FAF1: variants seen among roughly 807,000 people sequenced by gnomAD.
FAF1 encodes Fas associated factor 1, also known as FAS-associated factor 1.
FAF1 carries 25 observed loss-of-function variants against 92.5 expected under a neutral mutation model. The observed-to-expected ratio is 0.27, with a 90% confidence interval of 0.20 to 0.38. The LOEUF (loss-of-function observed/expected upper bound fraction) is 0.38. FAF1 is among the 10% of genes least tolerant of loss of function. The pLI is 1.00. For synonymous variants in FAF1, 234 were observed against 273.2 expected (o/e 0.86, Z 1.42); for missense variants, 636 against 793.3 (o/e 0.80, Z 2.38).
At chr1:50,630,754 C>T (rs1251653204) in intron 8 of FAF1, among the ~76,000 whole-genome samples, 1 of 150,990 alleles carries the variant, frequency 6.6e-6, no homozygotes, top group Non-Finnish European at 1.5e-5. Flanking sequence ...TCTCTTTTTC[C>T]TCTTTTGTTT....
At chr1:50,655,774 T>A (rs1655078429) in intron 7 of FAF1, among the ~76,000 whole-genome samples, 1 of 152,216 alleles carries the variant, frequency 6.6e-6, no homozygotes, top group African/African-American at 2.4e-5. Flanking sequence ...TGTTTTCAAC[T>A]CCTGGCTGAC....
intron 2 of FAF1, among the ~76,000 whole-genome samples, chr1:50,856,285 T>C (rs761641437): frequency 5.9e-5 from 9 of 151,760 alleles, no homozygotes; most frequent in Non-Finnish European, 1.3e-4. Flanking sequence ...GCCTCTCTAA[T>C]AGACACTCCC....
chr1:50,715,581 T>C (rs754944984), intron 6 of FAF1, among the ~76,000 whole-genome samples: 2 of 152,254 alleles, frequency 1.3e-5, no homozygotes, highest in Non-Finnish European at 2.9e-5. Context: ...GAAATCTTTT[T>C]AGTAAAACTT....
intron 15 of FAF1, among the ~76,000 whole-genome samples, chr1:50,512,577 T>C (rs537189150): frequency 5.3e-5 from 8 of 152,358 alleles, no homozygotes; most frequent in East Asian, 1.9e-4. Flanking sequence ...GCCACTGTTC[T>C]GTTCCATTGG....
In FAF1 at chr1:50,704,344, A is replaced by G. The variant is rs1189184668; in HGVS notation, c.657+1442T>C. 3.3e-5 allele frequency among the ~76,000 whole-genome samples: 5 copies of G among 152,306 alleles called. No homozygotes were observed. In the East Asian group the frequency reaches 5.8e-4, roughly 18 times the overall value. On this transcript the variant is annotated intron_variant, in intron 7 of 18. Transcript: ENST00000396153. ...TTCAACCCCGAAGGAAAAAAAGGCA[A>G]ACTATATTTATTCATCATACATTAT...
At chr1:50,819,634 T>TCACACACACA (rs1291338974) in intron 2 of FAF1, among the ~76,000 whole-genome samples, 6 of 86,318 alleles carry the variant, frequency 7.0e-5, no homozygotes, top group Admixed American at 2.3e-4. Context: ...ACTGACTGAC[T>TCACACACACA]CACTCACACA....
At chr1:50,454,097 G>C (rs1435535919) in intron 18 of FAF1, among the ~76,000 whole-genome samples, 2 of 152,152 alleles carry the variant, frequency 1.3e-5, no homozygotes, top group Non-Finnish European at 2.9e-5. Flanking sequence ...TTTTAGAAGT[G>C]GCAAAATATT....
chr1:50,766,039 C>T (rs1660556960), intron 4 of FAF1, among the ~76,000 whole-genome samples: 2 of 152,204 alleles, frequency 1.3e-5, no homozygotes, highest in Admixed American at 6.5e-5. Context: ...GTGCAGTGAG[C>T]CGAGATCGCG....
At chr1:50,769,714 T>C (rs1660708896) in intron 4 of FAF1, among the ~76,000 whole-genome samples, 1 of 152,150 alleles carries the variant, frequency 6.6e-6, no homozygotes, top group South Asian at 2.1e-4. Context: ...TTTCAACAGA[T>C]ACAGAAAAGG....
At chr1:50,619,815 T>C (rs1320901876) in intron 8 of FAF1, among the ~76,000 whole-genome samples, 5 of 152,168 alleles carry the variant, frequency 3.3e-5, no homozygotes, top group Non-Finnish European at 7.4e-5. Flanking sequence ...GAAATTTTCA[T>C]GGACTATATC....
intron 1 of FAF1, among the ~76,000 whole-genome samples, chr1:50,888,476 A>AGTTTTT (rs1232595372): frequency 6.6e-6 from 1 of 152,152 alleles, no homozygotes; most frequent in Non-Finnish European, 1.5e-5. Context: ...GAATGCTTCC[A>AGTTTTT]GTTTTTGCCC....
chr1:50,600,186 C>T (rs1652030773), intron 8 of FAF1, among the ~76,000 whole-genome samples: 1 of 152,100 alleles, frequency 6.6e-6, no homozygotes, highest in Non-Finnish European at 1.5e-5. Flanking sequence ...AACTATCAGC[C>T]ATCATGAGCT....
At chr1:50,690,098 C>A (rs1171777105) in intron 7 of FAF1, among the ~76,000 whole-genome samples, 3 of 149,122 alleles carry the variant, frequency 2.0e-5, no homozygotes, top group Non-Finnish European at 4.4e-5. Flanking sequence ...CGGGTTCAAG[C>A]AATTCTCCTG....
rs1648670542 is a variant in FAF1 at position 50,539,712 on chromosome 1, T to G, written c.1285A>C (p.Asn429His). 2 of 1,611,450 alleles carry G rather than the reference T, an allele frequency of 1.2e-6. No individual in the cohort carries two copies. Among genetic ancestry groups the G allele is most frequent in the South Asian group, 2.2e-5 (2 of 90,620 alleles). The change falls in exon 14 of 19, where the codon AAT (asparagine) becomes CAT (histidine). Residue 429 changes from asparagine (N) to histidine (H), a missense_variant. Asn to His is a moderately conservative substitution (Grantham distance 68, BLOSUM62 1). Transcript: ENST00000396153. ...GCCACAACACTGCCAAAGTGTCTAT[T>G]GCACATAGTGAGAAATCTAAAAGGA... ...SNRARFLTMC[N>H]RHFGSVVAQT...
At position 50,834,065 on chromosome 1, in the gene FAF1, G is replaced by A. The variant is rs543168083; in HGVS notation, c.114+23864C>T. Among the ~76,000 whole-genome samples, 18 of 152,312 alleles carry A rather than the reference G, an allele frequency of 1.2e-4. 1 individual carries two copies. In the South Asian group the frequency reaches 3.7e-3, roughly 32 times the overall value. On this transcript the variant is annotated intron_variant, in intron 2 of 18. Coordinates refer to ENST00000396153, the MANE Select transcript of FAF1 (RefSeq NM_007051.3). ...TGGCAGGCGACTGGATCATCGGGCGGATTTCCCCCTTGCTGTTCTCATGAT... is the reference window on the plus strand; with the variant it reads ...TGGCAGGCGACTGGATCATCGGGCGAATTTCCCCCTTGCTGTTCTCATGAT...
At chr1:50,702,451 A>T (rs1657513132) in intron 7 of FAF1, among the ~76,000 whole-genome samples, 1 of 152,134 alleles carries the variant, frequency 6.6e-6, no homozygotes, top group African/African-American at 2.4e-5. Flanking sequence ...AAGACAGACT[A>T]TCACAGAGTT....
At chr1:50,864,035 G>T (rs535931883) in intron 1 of FAF1, among the ~76,000 whole-genome samples, 121 of 151,772 alleles carry the variant, frequency 8.0e-4, no homozygotes, top group Non-Finnish European at 1.5e-3. Flanking sequence ...TATTTCTGTG[G>T]GATCAGTGGT....
At chr1:50,473,429 C>T (rs1413837370) in intron 18 of FAF1, among the ~76,000 whole-genome samples, 3 of 152,086 alleles carry the variant, frequency 2.0e-5, no homozygotes, top group South Asian at 2.1e-4. Flanking sequence ...TGACTTAAAA[C>T]TAAGGGTTGG....
intron 13 of FAF1, among the ~76,000 whole-genome samples, chr1:50,564,811 T>C (rs1433816374): frequency 6.6e-6 from 1 of 152,142 alleles, no homozygotes; most frequent in Non-Finnish European, 1.5e-5. Flanking sequence ...TTAATTATCT[T>C]ACAGTTTCAT....
Sources: allele counts gnomAD v4.1 joint callset (sites outside exome capture counted in the v4.1 genomes callset), GRCh38; gene constraint gnomAD v4.1.1; transcripts MANE v1.5; gene names NCBI Gene and HGNC (gene_info 2026-07-23, HGNC 2026-07-21).